GOLGA3: variants seen among roughly 807,000 people sequenced by gnomAD.
GOLGA3 encodes golgin subfamily A member 3.
A neutral mutation model predicts 169.4 loss-of-function variants in GOLGA3; 75 were observed. The observed-to-expected ratio is 0.44, with a 90% CI of 0.37 to 0.54. GOLGA3 has a LOEUF of 0.54. Ranked by LOEUF, GOLGA3 falls within the 20% of genes least tolerant of loss-of-function variation. The pLI is 0.00. For synonymous variants in GOLGA3, 824 were observed against 822.4 expected (o/e 1.00, Z -0.03); for missense variants, 1,899 against 1,930.0 (o/e 0.98, Z 0.30).
At chr12:132,827,709 A>G (rs1283023427) in intron 1 of GOLGA3, 1 of 152,124 alleles carries the variant, frequency 6.6e-6, no homozygotes, top group African/African-American at 2.4e-5. Flanking sequence ...TTTAAGGTAT[A>G]CTGCCTGAAA....
At chr12:132,774,343 A>G (rs1481959835) in intron 22 of GOLGA3, 23 bp from the exon 23 acceptor site, 3 of 1,608,684 alleles carry the variant, frequency 1.9e-6, no homozygotes, top group East Asian at 2.2e-5. Flanking sequence ...GCACATGATC[A>G]GCTTTCCCAC....
intron 11 of GOLGA3, among the ~76,000 whole-genome samples, chr12:132,792,863 C>T (rs1948628822): frequency 7.9e-6 from 1 of 126,918 alleles, no homozygotes; most frequent in Admixed American, 7.7e-5. Context: ...GACCTGCACT[C>T]GGAGGGCTCC....
intron 12 of GOLGA3, among the ~76,000 whole-genome samples, chr12:132,789,930 G>C (rs925363856): frequency 2.6e-5 from 4 of 152,162 alleles, no homozygotes; most frequent in Non-Finnish European, 4.4e-5. Context: ...CTACTCACGA[G>C]GCTGAGGCAT....
intron 8 of GOLGA3, among the ~76,000 whole-genome samples, chr12:132,800,644 G>GA (rs374807282): frequency 6.9e-4 from 104 of 151,436 alleles, no homozygotes; most frequent in Non-Finnish European, 1.2e-3. Flanking sequence ...TTTTATCTGG[G>GA]AAAAAAAAAT....
rs766859036 is a variant in GOLGA3 at position 132,776,644 on chromosome 12, T to C, written c.3968A>G (p.Gln1323Arg). ...QGRKELEGLQ[Q>R]LLQNVKSELE... Reference sequence around the variant, plus strand: ...CTCACACACAGGTACCTGCAGCAGCTGCTGTAGCCCTTCCAGTTCCTTCCT... The same window carrying C: ...CTCACACACAGGTACCTGCAGCAGCCGCTGTAGCCCTTCCAGTTCCTTCCT... Residue 1323 changes from glutamine to arginine, a missense_variant, in exon 21 of 24, where the codon CAG becomes CGG. Physicochemically the swap from Gln to Arg is conservative, Grantham distance 43. Coordinates refer to ENST00000450791, the MANE Select transcript of GOLGA3 (RefSeq NM_001389683.1). The C allele has an allele frequency of 1.3e-5, 21 of 1,610,958 alleles. No individual in the cohort carries two copies. The highest frequency in any genetic ancestry group is 1.8e-5 in the Non-Finnish European group (21 of 1,178,554).
At chr12:132,774,450 G>A in intron 22 of GOLGA3, 130 bp from the exon 23 acceptor site, 1 of 981,608 alleles carries the variant, frequency 1.0e-6, no homozygotes, top group South Asian at 1.5e-5. Flanking sequence ...GACCGTCCTG[G>A]CCGCCGTGGC....
Position 132,804,898 on chromosome 12 carries a change from G to A in GOLGA3, c.1415C>T (p.Thr472Ile). The A allele has an allele frequency of 6.2e-7, 1 of 1,614,026 alleles. No individual in the cohort carries two copies. The highest frequency in any genetic ancestry group is 8.5e-7 in the Non-Finnish European group (1 of 1,180,026). Residue 472 changes from threonine (T) to isoleucine (I), a missense_variant, in exon 7 of 24, where the codon ACC becomes ATC. By Grantham distance (89) the Thr-to-Ile change is moderately conservative. Coordinates refer to ENST00000450791, the MANE Select transcript of GOLGA3 (RefSeq NM_001389683.1). The surrounding 1 kb of genome is among the most constrained non-coding windows in gnomAD (Gnocchi z 4.1). ...RQDSLSSEVD[T>I]LKQSCWDLER... ...CAGGTCCCAGCACGACTGCTTCAGGGTGTCCACCTCCGAGCTCAGCGAATC... is the reference window on the plus strand; with the variant it reads ...CAGGTCCCAGCACGACTGCTTCAGGATGTCCACCTCCGAGCTCAGCGAATC...
Position 132,774,160 on chromosome 12 carries a change from A to G in GOLGA3, c.4304T>C (p.Leu1435Pro). The G allele has an allele frequency of 6.3e-7, 1 of 1,593,258 alleles. No homozygotes were observed. The highest frequency in any genetic ancestry group is 8.6e-7 in the Non-Finnish European group (1 of 1,169,228). The change falls in exon 23 of 24, where the codon CTC becomes CCC. Residue 1435 changes from leucine (L) to proline (P), a missense_variant. Coordinates refer to ENST00000450791, the MANE Select transcript of GOLGA3 (RefSeq NM_001389683.1). ...GCAGCACGGAATACGGTCGTACTTG[A>G]GCTGCTGGAGGCAGCTGTTCAGGTT... is the stretch of plus-strand genomic sequence containing the variant. ...LKNLNSCLQQLKQEMDSLQRQ... is the reference protein window; with the variant it reads ...LKNLNSCLQQPKQEMDSLQRQ...
intron 23 of GOLGA3, 110 bp downstream of exon 23, chr12:132,774,047 C>G (rs1239611502): frequency 9.8e-7 from 1 of 1,016,312 alleles, no homozygotes; most frequent in Non-Finnish European, 1.4e-6. Flanking sequence ...CTTATATAAA[C>G]CTGCTGAAAC....
At position 132,802,200 on chromosome 12, in the gene GOLGA3, C is replaced by T. The variant is rs79123489; in HGVS notation, c.1598-231G>A. Among the ~76,000 whole-genome samples, 976 of 152,386 alleles carry T rather than the reference C, an allele frequency of 6.4e-3. 19 individuals are homozygous for T. The highest frequency in any genetic ancestry group is 0.022 in the African/African-American group (924 of 41,594). On this transcript the variant is annotated intron_variant, in intron 7 of 23. Coordinates refer to ENST00000450791, the MANE Select transcript of GOLGA3 (RefSeq NM_001389683.1). ...GGTGAGGTTCCTGCAGGCCTCTGCTCACAGCACCTTCACCAGCTCATCAAT... is the reference window on the plus strand; with the variant it reads ...GGTGAGGTTCCTGCAGGCCTCTGCTTACAGCACCTTCACCAGCTCATCAAT...
rs200184795 is a variant in GOLGA3 at position 132,796,567 on chromosome 12, G to A, written c.2072C>T (p.Ala691Val). Residue 691 changes from alanine (A) to valine (V), a missense_variant, in exon 10 of 24, where the codon GCG becomes GTG. Ala to Val is a moderately conservative substitution (Grantham distance 64). Transcript: ENST00000450791. ...RERLQRMADS[A>V]ASLEQQLEQV... Reference sequence around the variant, plus strand: ...CTCCAGCTGCTGCTCCAGGGATGCCGCCGAGTCCGCCATCCTCTGCAGCCG... The same window carrying A: ...CTCCAGCTGCTGCTCCAGGGATGCCACCGAGTCCGCCATCCTCTGCAGCCG... The A allele has an allele frequency of 1.4e-4, 225 of 1,612,234 alleles. No individual in the cohort carries two copies. In the East Asian group the frequency reaches 3.1e-3, roughly 22 times the overall value.
At chr12:132,828,489 G>C (rs1021338719) in intron 1 of GOLGA3, 1 of 152,330 alleles carries the variant, frequency 6.6e-6, no homozygotes, top group African/African-American at 2.4e-5. Context: ...CCAGGCTAAA[G>C]CAAGCACTGC....
In GOLGA3 at chr12:132,774,296, T is replaced by C. The variant is rs757167491; in HGVS notation, c.4168A>G (p.Ser1390Gly). Reference sequence around the variant, plus strand: ...ATGGGCGTGGCAGGGTTGGAAGAGCTGGCCTCGCCTTTCGGCTCCTTTCTC... The same window carrying C: ...ATGGGCGTGGCAGGGTTGGAAGAGCCGGCCTCGCCTTTCGGCTCCTTTCTC... ...KTRKEPKGEA[S>G]SSNPATPIKI... The change falls in exon 23 of 24, where the codon AGC becomes GGC. Residue 1390 changes from serine to glycine, a missense_variant. By Grantham distance (56) the Ser-to-Gly change is moderately conservative. Transcript: ENST00000450791. 14 of 1,612,448 alleles carry C rather than the reference T, an allele frequency of 8.7e-6. No individual in the cohort carries two copies. In the African/African-American group the frequency reaches 1.7e-4, roughly 20 times the overall value.
In GOLGA3 at chr12:132,777,597, GGT is replaced by G; in HGVS notation, c.3722+67_3722+68del. The G allele has an allele frequency of 6.4e-7, 1 of 1,550,458 alleles. No individual in the cohort carries two copies. The highest frequency in any genetic ancestry group is 8.8e-7 in the Non-Finnish European group (1 of 1,130,988). On this transcript the variant is annotated intron_variant, in intron 19 of 23. Transcript: ENST00000450791. The surrounding 1 kb of genome is among the most constrained non-coding windows in gnomAD (Gnocchi z 4.7). ...TATAGATGACCCTCGCTGTGCTGAAGGTGTGAATTAGACCCCGCCCATTGCCA... is the reference window on the plus strand; with the variant it reads ...TATAGATGACCCTCGCTGTGCTGAAGGTGAATTAGACCCCGCCCATTGCCA...
Position 132,822,036 on chromosome 12 carries a change from CG to C in GOLGA3, c.92del (p.Pro31ArgfsTer18). On this transcript the variant is annotated frameshift_variant, in exon 2 of 24. Transcript: ENST00000450791. LOFTEE classifies it high-confidence loss of function. ...SSLPEAPLKP[P>X]GPLVPPDQQD... ...GCTGGTCAGGTGGCACCAGTGGGCC[CG>C]GGGGCTTCAGTGGGGCCTCGGGGAG... 2 of 1,609,146 alleles carry C rather than the reference CG, an allele frequency of 1.2e-6. No homozygotes were observed. Among genetic ancestry groups the C allele is most frequent in the Admixed American group, 1.7e-5 (1 of 58,872 alleles).
chr12:132,801,727 A>G (rs767730833), intron 8 of GOLGA3, 40 bp downstream of exon 8: 17 of 1,558,092 alleles, frequency 1.1e-5, no homozygotes, highest in Non-Finnish European at 1.5e-5. Flanking sequence ...CATGAAGACA[A>G]GAAGCGTGAC....
intron 7 of GOLGA3, 111 bp from the exon 8 acceptor site, chr12:132,802,080 T>A: frequency 1.3e-6 from 1 of 789,820 alleles, no homozygotes; most frequent in South Asian, 1.7e-5. Flanking sequence ...CAAGAATGAG[T>A]CAGTTCCGGT....
At chr12:132,806,212 C>A (rs943203911) in intron 6 of GOLGA3, among the ~76,000 whole-genome samples, 3 of 152,212 alleles carry the variant, frequency 2.0e-5, no homozygotes, top group African/African-American at 7.2e-5. Flanking sequence ...CCCTCACGAT[C>A]TTGGTGTGGA....
chr12:132,820,100 CGG>C (rs1950147792), intron 2 of GOLGA3, among the ~76,000 whole-genome samples: 1 of 151,970 alleles, frequency 6.6e-6, no homozygotes, highest in Admixed American at 6.6e-5. Flanking sequence ...CGCTTGAACC[CGG>C]GAGGCGGAGG....
Sources: gnomAD v4.1 joint callset for allele counts (sites outside exome capture counted in the v4.1 genomes callset) on GRCh38, gnomAD v4.1.1 for gene constraint, Gnocchi (gnomAD v3.1) non-coding constraint, MANE v1.5 for transcripts, NCBI Gene and HGNC (gene_info 2026-07-23, HGNC 2026-07-21) for gene names.